The following THSD7A variants were observed in gnomAD, a reference collection of about 807,000 sequenced individuals.
THSD7A encodes thrombospondin type-1 domain-containing protein 7A.
In THSD7A, 96 loss-of-function variants were observed where a neutral mutation model predicts 231.3. The observed-to-expected ratio is 0.41, with a 90% confidence interval of 0.35 to 0.49. The LOEUF (loss-of-function observed/expected upper bound fraction) is 0.49, where lower values mean the gene tolerates loss of function less well. Ranked by LOEUF, THSD7A falls within the 20% of genes least tolerant of loss-of-function variation. THSD7A has a pLI of 0.05. For synonymous variants in THSD7A, 940 were observed against 743.3 expected (o/e 1.26, Z -4.30); for missense variants, 2,290 against 2,070.2 (o/e 1.11, Z -2.06).
chr7:11,389,847 A>G (rs1347698971), intron 23 of THSD7A, among the ~76,000 whole-genome samples: 3 of 152,210 alleles, frequency 2.0e-5, no homozygotes, highest in East Asian at 3.9e-4. Context: ...GTCTGTAAAG[A>G]ATTTTATTTC....
intron 1 of THSD7A, among the ~76,000 whole-genome samples, chr7:11,710,518 G>A (rs1385896525): frequency 1.3e-5 from 2 of 150,788 alleles, no homozygotes; most frequent in Non-Finnish European, 3.0e-5. Flanking sequence ...GGAAGTAGAG[G>A]CCAGAATTAT....
intron 6 of THSD7A, among the ~76,000 whole-genome samples, chr7:11,522,514 ACTG>A (rs550147961): frequency 1.9e-3 from 282 of 152,290 alleles, no homozygotes; most frequent in African/African-American, 6.2e-3. Flanking sequence ...TTTTCATTTG[ACTG>A]CTTTTTATTT....
chr7:11,666,624 T>C (rs1312668652), intron 1 of THSD7A, among the ~76,000 whole-genome samples: 1 of 151,950 alleles, frequency 6.6e-6, no homozygotes, highest in Non-Finnish European at 1.5e-5. Flanking sequence ...TAATAAATTA[T>C]AATTATCTTG....
Position 11,541,640 on chromosome 7 carries a change from TG to T in THSD7A, c.1610-10del. 3.7e-6 allele frequency: 6 copies of T among 1,611,758 alleles called. No homozygotes were observed. The highest frequency in any genetic ancestry group is 5.1e-6 in the Non-Finnish European group (6 of 1,178,358). On this transcript the variant is annotated splice_polypyrimidine_tract_variant and intron_variant, in intron 5 of 27. Transcript: ENST00000423059. ...CTTCCTCAGTTTGAAGCCTGAATTA[TG>T]GGGGAAGGAAAAATCTATTGTTACT... is the stretch of plus-strand genomic sequence containing the variant.
chr7:11,672,765 T>A (rs191359982), intron 1 of THSD7A, among the ~76,000 whole-genome samples: 48 of 152,324 alleles, frequency 3.2e-4, no homozygotes, highest in Admixed American at 3.1e-3. Flanking sequence ...TAAGGAAATA[T>A]GTGAACTCTA....
chr7:11,571,524 T>C (rs1790629358), intron 4 of THSD7A, among the ~76,000 whole-genome samples: 1 of 152,228 alleles, frequency 6.6e-6, no homozygotes, highest in Non-Finnish European at 1.5e-5. Flanking sequence ...AAAAATTCTA[T>C]TATTACCATT....
rs1357917562 is a variant in THSD7A, at chr7:11,424,560, C to T, written c.3383+136G>A. 7.4e-6 allele frequency: 9 copies of T among 1,212,000 alleles called. No individual in the cohort carries two copies. In the Admixed American group the frequency reaches 1.5e-4, roughly 20 times the overall value. 75.1% of individuals were successfully genotyped at this position (1,212,000 alleles called of 1,614,324 possible). ...AGATTCTCTTAGAGTTTTCTATGAGCACAGATTCCCTAAAAGCAAAACTGC... is the reference window on the plus strand; with the variant it reads ...AGATTCTCTTAGAGTTTTCTATGAGTACAGATTCCCTAAAAGCAAAACTGC... On this transcript the variant is annotated intron_variant, in intron 16 of 27. Transcript: ENST00000423059.
intron 1 of THSD7A, among the ~76,000 whole-genome samples, chr7:11,750,639 T>G (rs1782467691): frequency 6.6e-6 from 1 of 151,972 alleles, no homozygotes; most frequent in Non-Finnish European, 1.5e-5. Flanking sequence ...TGGCGCAGGT[T>G]GTCTGCACGG....
chr7:11,705,127 G>A (rs544283764), intron 1 of THSD7A, among the ~76,000 whole-genome samples: 1 of 151,134 alleles, frequency 6.6e-6, no homozygotes, highest in African/African-American at 2.4e-5. Context: ...GCATATAATT[G>A]AAAGTATCTG....
chr7:11,681,011 A>T (rs4521654), intron 1 of THSD7A, among the ~76,000 whole-genome samples: 1 of 152,034 alleles, frequency 6.6e-6, no homozygotes, highest in African/African-American at 2.4e-5. Context: ...CCATAGAATA[A>T]TATGCAGCCA....
intron 22 of THSD7A, among the ~76,000 whole-genome samples, chr7:11,403,568 A>G (rs1783483790): frequency 6.6e-6 from 1 of 152,252 alleles, no homozygotes. Flanking sequence ...TCCTGTCAAT[A>G]TGAATGTAAT....
rs1782006594 is a variant in THSD7A, at chr7:11,370,370, T to C, written c.*5424A>G. On this transcript the variant is annotated 3_prime_UTR_variant, in exon 28 of 28. Transcript: ENST00000423059. ...TAGGTAAAAGGATTTAGGTATTCAC[T>C]GGAAAAAAATTTTAATCCATATTTA... 1 of 152,170 alleles carries C rather than the reference T, an allele frequency of 6.6e-6. No individual in the cohort carries two copies. Among genetic ancestry groups the C allele is most frequent in the Non-Finnish European group, 1.5e-5 (1 of 68,024 alleles). The allele number at this position is 152,170 out of a possible 1,614,324, so 9.4% of individuals were successfully genotyped here.
intron 4 of THSD7A, among the ~76,000 whole-genome samples, chr7:11,557,928 G>T (rs1789917486): frequency 1.3e-5 from 2 of 152,172 alleles, no homozygotes. Context: ...CGACTTTGCT[G>T]ATATGGGTGA....
At chr7:11,819,223 G>A (rs1437402534) in intron 1 of THSD7A, among the ~76,000 whole-genome samples, 3 of 152,174 alleles carry the variant, frequency 2.0e-5, no homozygotes, top group African/African-American at 7.2e-5. Context: ...CTCATTCACT[G>A]CTGGTGGAAA....
chr7:11,741,342 T>C (rs1342983179), intron 1 of THSD7A, among the ~76,000 whole-genome samples: 1 of 151,930 alleles, frequency 6.6e-6, no homozygotes, highest in Non-Finnish European at 1.5e-5. Context: ...TCTCTTAATC[T>C]AAAAGATTCA....
At chr7:11,394,093 A>G (rs1032869425) in intron 23 of THSD7A, among the ~76,000 whole-genome samples, 1 of 152,330 alleles carries the variant, frequency 6.6e-6, no homozygotes, top group African/African-American at 2.4e-5. Context: ...AATGAACGAA[A>G]AAAATGTTAA....
chr7:11,797,187 T>A (rs1784148239), intron 1 of THSD7A, among the ~76,000 whole-genome samples: 1 of 152,114 alleles, frequency 6.6e-6, no homozygotes, highest in Non-Finnish European at 1.5e-5. Flanking sequence ...TTTCTTACCT[T>A]CTGTCCTCTA....
rs555188624 is a variant in THSD7A at position 11,777,921 on chromosome 7, G to A, written c.190+53836C>T. On this transcript the variant is annotated intron_variant, in intron 1 of 27. Transcript: ENST00000423059. ...TCCCAGCACTTTGGGAGGCCGAGGC[G>A]GGCGGATCACGAGGTCAAGAGATCG... is the stretch of plus-strand genomic sequence containing the variant. Among the ~76,000 whole-genome samples the A allele has an allele frequency of 2.8e-3, 420 of 151,222 alleles. 2 individuals carry two copies. Among genetic ancestry groups the A allele is most frequent in the African/African-American group, 9.6e-3 (395 of 41,102 alleles).
intron 1 of THSD7A, among the ~76,000 whole-genome samples, chr7:11,719,359 T>C (rs1434376393): frequency 2.0e-5 from 3 of 151,746 alleles, no homozygotes; most frequent in East Asian, 3.9e-4. Context: ...ATTGTTCTGA[T>C]AGATTTTCTA....
Sources: gnomAD v4.1 joint callset for allele counts (sites outside exome capture counted in the v4.1 genomes callset) on GRCh38, gnomAD v4.1.1 for gene constraint, MANE v1.5 for transcripts, NCBI Gene and HGNC (gene_info 2026-07-23, HGNC 2026-07-21) for gene names.